ASIC2: variants seen among roughly 807,000 people sequenced by gnomAD.
ASIC2 encodes the protein acid-sensing ion channel 2.
In ASIC2, 25 loss-of-function variants were observed where a neutral mutation model predicts 57.3. That is an observed-to-expected ratio of 0.44 (90% CI 0.32 to 0.61). ASIC2 has a LOEUF of 0.61. Ranked by LOEUF, ASIC2 falls within the 20% of genes least tolerant of loss-of-function variation. The pLI, the probability that ASIC2 is intolerant of heterozygous loss-of-function variation, is 0.06. For missense variants in ASIC2, 641 were observed against 738.1 expected (o/e 0.87, Z 1.52); for synonymous variants, 319 against 307.5 (o/e 1.04, Z -0.39).
At chr17:33,317,038 G>A (rs1906685250) in intron 1 of ASIC2, among the ~76,000 whole-genome samples, 1 of 152,238 alleles carries the variant, frequency 6.6e-6, no homozygotes, top group Non-Finnish European at 1.5e-5. Flanking sequence ...CGGGAGAACA[G>A]CGCAGCAGTT....
chr17:33,987,776 C>T (rs1260563638), intron 1 of ASIC2, among the ~76,000 whole-genome samples: 1 of 152,138 alleles, frequency 6.6e-6, no homozygotes, highest in Non-Finnish European at 1.5e-5. Context: ...TTGTGTTCAC[C>T]CATGCTTTCA....
chr17:33,383,133 T>G (rs182524992), intron 1 of ASIC2, among the ~76,000 whole-genome samples: 2 of 152,300 alleles, frequency 1.3e-5, no homozygotes, highest in East Asian at 3.9e-4. Context: ...CTGTGAAAAA[T>G]TTTTAAAGTC....
At chr17:34,145,721 C>T (rs1455188240) in intron 1 of ASIC2, among the ~76,000 whole-genome samples, 13 of 152,230 alleles carry the variant, frequency 8.5e-5, no homozygotes, top group Admixed American at 5.9e-4. Flanking sequence ...CCACCCACTT[C>T]GCTTTTCATG....
intron 1 of ASIC2, among the ~76,000 whole-genome samples, chr17:34,049,539 C>T (rs1026672259): frequency 7.9e-5 from 12 of 152,094 alleles, no homozygotes; most frequent in Admixed American, 5.9e-4. Flanking sequence ...CAAACTCCTC[C>T]ATGATCAAGC....
intron 1 of ASIC2, among the ~76,000 whole-genome samples, chr17:33,312,991 A>T (rs893023106): frequency 1.3e-5 from 2 of 152,152 alleles, no homozygotes; most frequent in Non-Finnish European, 2.9e-5. Context: ...GTGAACAAGA[A>T]CCTAAGGTGA....
At chr17:33,210,482 C>T (rs1003390679) in intron 1 of ASIC2, among the ~76,000 whole-genome samples, 1 of 152,220 alleles carries the variant, frequency 6.6e-6, no homozygotes, top group Non-Finnish European at 1.5e-5. Context: ...CCCTCCACCC[C>T]CCAACCCAGG....
intron 1 of ASIC2, among the ~76,000 whole-genome samples, chr17:33,738,146 C>A (rs1346538392): frequency 1.3e-5 from 2 of 152,102 alleles, no homozygotes; most frequent in African/African-American, 2.4e-5. Flanking sequence ...TCTTCTCAGG[C>A]CACTGGCATC....
chr17:33,993,856 G>C (rs1906074238), intron 1 of ASIC2, among the ~76,000 whole-genome samples: 1 of 152,164 alleles, frequency 6.6e-6, no homozygotes, highest in Admixed American at 6.5e-5. Context: ...TAGATGCTGT[G>C]GACGGGCTTT....
intron 1 of ASIC2, among the ~76,000 whole-genome samples, chr17:33,245,662 A>G (rs746011730): frequency 3.6e-4 from 55 of 152,152 alleles, no homozygotes; most frequent in Non-Finnish European, 7.5e-4. Flanking sequence ...GTGGCTGCTG[A>G]GCTGGGGTCC....
At chr17:33,019,510 G>A (rs12944782) in intron 7 of ASIC2, among the ~76,000 whole-genome samples, 25,913 of 151,830 alleles carry the variant, frequency 0.17, 2,401 homozygotes, top group East Asian at 0.39. Context: ...GTGCATGTGC[G>A]TGCAGACTGG....
chr17:33,268,956 C>T (rs551009295), intron 1 of ASIC2, among the ~76,000 whole-genome samples: 49 of 152,306 alleles, frequency 3.2e-4, no homozygotes, highest in African/African-American at 1.2e-3. Flanking sequence ...GTCAACACCC[C>T]TCCTTGGGAC....
chr17:33,807,943 C>T (rs1912314303), intron 1 of ASIC2, among the ~76,000 whole-genome samples: 1 of 152,212 alleles, frequency 6.6e-6, no homozygotes, highest in African/African-American at 2.4e-5. Flanking sequence ...AGTCCTTTAT[C>T]AGACACATCT....
chr17:33,530,745 C>T (rs532134293), intron 1 of ASIC2, among the ~76,000 whole-genome samples: 1 of 152,330 alleles, frequency 6.6e-6, no homozygotes, highest in South Asian at 2.1e-4. Context: ...TTTGCCAGGT[C>T]ATGCAGGACC....
chr17:33,532,210 C>T (rs1230506556), intron 1 of ASIC2, among the ~76,000 whole-genome samples: 1 of 152,172 alleles, frequency 6.6e-6, no homozygotes, highest in Non-Finnish European at 1.5e-5. Flanking sequence ...CCTAACCAAC[C>T]TCACCCATGA....
At chr17:33,339,418 G>A (rs1907643671) in intron 1 of ASIC2, among the ~76,000 whole-genome samples, 4 of 152,226 alleles carry the variant, frequency 2.6e-5, no homozygotes, top group Admixed American at 2.6e-4. Context: ...GGGCGAGGCT[G>A]TGTTCTAATA....
chr17:33,156,739 G>C (rs372682030), intron 1 of ASIC2, among the ~76,000 whole-genome samples: 2 of 152,230 alleles, frequency 1.3e-5, no homozygotes, highest in African/African-American at 4.8e-5. Context: ...CTGGGCGACA[G>C]AGCGAGACTC....
At chr17:33,220,374 A>C (rs1322975303) in intron 1 of ASIC2, among the ~76,000 whole-genome samples, 1 of 152,194 alleles carries the variant, frequency 6.6e-6, no homozygotes, top group African/African-American at 2.4e-5. Context: ...TGTGAAGGCC[A>C]CTGTCATTTC....
chr17:33,864,800 G>A (rs1914189972), intron 1 of ASIC2, among the ~76,000 whole-genome samples: 2 of 152,242 alleles, frequency 1.3e-5, no homozygotes, highest in South Asian at 2.1e-4. Context: ...ACAAAACAGA[G>A]CATTAATAAA....
chr17:34,065,415 C>A (rs1351191545), intron 1 of ASIC2, among the ~76,000 whole-genome samples: 1 of 152,074 alleles, frequency 6.6e-6, no homozygotes, highest in Admixed American at 6.5e-5. Context: ...GTGTATACTG[C>A]TCGGGTGATA....
Sources: allele counts gnomAD v4.1 joint callset (sites outside exome capture counted in the v4.1 genomes callset), GRCh38; gene constraint gnomAD v4.1.1; transcripts MANE v1.5; gene names NCBI Gene and HGNC (gene_info 2026-07-23, HGNC 2026-07-21).